The following TMEM132D variants were observed in gnomAD, a reference collection of about 807,000 sequenced individuals.
TMEM132D encodes transmembrane protein 132D.
Under a neutral mutation model 62.3 loss-of-function variants are expected in TMEM132D, and 21 were observed. The observed-to-expected ratio is 0.34, with a 90% CI of 0.24 to 0.49. The LOEUF (loss-of-function observed/expected upper bound fraction) is 0.49. Ranked by LOEUF, TMEM132D falls within the 20% of genes least tolerant of loss-of-function variation. The pLI, the probability that TMEM132D is intolerant of heterozygous loss-of-function variation, is 0.99. For missense variants in TMEM132D, 1,346 were observed against 1,402.8 expected (o/e 0.96, Z 0.65); for synonymous variants, 621 against 575.6 (o/e 1.08, Z -1.13).
chr12:129,090,510 T>TA (rs1421583866), intron 5 of TMEM132D, among the ~76,000 whole-genome samples: 2 of 151,434 alleles, frequency 1.3e-5, no homozygotes, highest in African/African-American at 2.4e-5. Context: ...ACTAAAAATA[T>TA]AAAAAAAATT....
chr12:129,180,210 G>GGGAGGAGGA lies in TMEM132D; in HGVS notation c.1443+29301_1443+29309dup, dbSNP rs61354153. Among the ~76,000 whole-genome samples the GGGAGGAGGA allele has an allele frequency of 3.4e-3, 513 of 149,906 alleles. 2 individuals carry two copies. The highest frequency in any genetic ancestry group is 0.011 in the African/African-American group (468 of 40,776). ...GCATTCGTAAGCAGCACAGATAGTG[G>GGGAGGAGGA]GGAGGAGGAGGAGGAGGAGGAGGAG... On this transcript the variant is annotated intron_variant, in intron 5 of 8. Transcript: ENST00000422113.
intron 2 of TMEM132D, among the ~76,000 whole-genome samples, chr12:129,673,603 C>A (rs1307604791): frequency 1.3e-5 from 2 of 152,114 alleles, no homozygotes; most frequent in Non-Finnish European, 2.9e-5. Context: ...TCAGAGCAGT[C>A]CAGGCAAAAT....
intron 2 of TMEM132D, among the ~76,000 whole-genome samples, chr12:129,561,095 G>A (rs1208157975): frequency 2.0e-5 from 3 of 152,334 alleles, no homozygotes; most frequent in Admixed American, 6.5e-5. Context: ...AAGGTGCCAT[G>A]AGAAAGAAAA....
chr12:129,106,893 C>A (rs1875519325), intron 5 of TMEM132D, among the ~76,000 whole-genome samples: 1 of 152,156 alleles, frequency 6.6e-6, no homozygotes, highest in South Asian at 2.1e-4. Flanking sequence ...ATGGGGAATG[C>A]CTGCCTTGGA....
intron 5 of TMEM132D, among the ~76,000 whole-genome samples, chr12:129,165,008 A>G (rs1877503727): frequency 6.6e-6 from 1 of 152,250 alleles, no homozygotes; most frequent in Non-Finnish European, 1.5e-5. Flanking sequence ...AGATAATGGT[A>G]TATTCATACA....
At chr12:129,269,058 T>C (rs929137971) in intron 4 of TMEM132D, among the ~76,000 whole-genome samples, 1 of 149,200 alleles carries the variant, frequency 6.7e-6, no homozygotes, top group Non-Finnish European at 1.5e-5. Flanking sequence ...TTAGGAGATA[T>C]ACCTAATGCT....
At chr12:129,877,263 T>C (rs1874444546) in intron 1 of TMEM132D, among the ~76,000 whole-genome samples, 1 of 151,756 alleles carries the variant, frequency 6.6e-6, no homozygotes, top group Non-Finnish European at 1.5e-5. Context: ...AAGTTCACCA[T>C]GGCCGTGGTA....
At chr12:129,663,724 C>T (rs1880303733) in intron 2 of TMEM132D, among the ~76,000 whole-genome samples, 1 of 152,126 alleles carries the variant, frequency 6.6e-6, no homozygotes, top group Non-Finnish European at 1.5e-5. Context: ...AGCAGTATGC[C>T]TCCATCTGTG....
chr12:129,380,269 C>T (rs1049159164), intron 3 of TMEM132D, among the ~76,000 whole-genome samples: 1 of 151,896 alleles, frequency 6.6e-6, no homozygotes, highest in Non-Finnish European at 1.5e-5. Context: ...AGCAGGCAAA[C>T]GTCTAGAAAA....
intron 2 of TMEM132D, among the ~76,000 whole-genome samples, chr12:129,617,076 A>G (rs1490904095): frequency 6.6e-6 from 1 of 152,180 alleles, no homozygotes; most frequent in African/African-American, 2.4e-5. Context: ...AGACTCCTGT[A>G]CTGCCAGAGT....
chr12:129,811,919 T>C (rs974613205), intron 1 of TMEM132D, among the ~76,000 whole-genome samples: 22 of 151,640 alleles, frequency 1.5e-4, no homozygotes, highest in African/African-American at 5.3e-4. Context: ...AAGCCAGCTC[T>C]CCTCCAGAGC....
chr12:129,622,661 G>C (rs1879104592), intron 2 of TMEM132D, among the ~76,000 whole-genome samples: 1 of 152,176 alleles, frequency 6.6e-6, no homozygotes, highest in African/African-American at 2.4e-5. Flanking sequence ...TTCTGTTTCT[G>C]CAGTGCAGAC....
intron 3 of TMEM132D, among the ~76,000 whole-genome samples, chr12:129,394,436 CA>C (rs1174088031): frequency 7.9e-5 from 12 of 152,298 alleles, no homozygotes; most frequent in Non-Finnish European, 1.5e-4. Flanking sequence ...TCGAAAATGA[CA>C]GTAAGTGTTT....
chr12:129,741,868 G>A (rs1320108159), intron 1 of TMEM132D, among the ~76,000 whole-genome samples: 3 of 152,194 alleles, frequency 2.0e-5, no homozygotes, highest in Non-Finnish European at 4.4e-5. Flanking sequence ...ACACCAACTA[G>A]GGAGTCTTGA....
At chr12:129,901,687 T>C (rs778583720) in intron 1 of TMEM132D, among the ~76,000 whole-genome samples, 1 of 152,184 alleles carries the variant, frequency 6.6e-6, no homozygotes, top group Non-Finnish European at 1.5e-5. Flanking sequence ...ACAATTCTCT[T>C]CAACACTGCT....
At chr12:129,313,618 C>T (rs1271975225) in intron 4 of TMEM132D, among the ~76,000 whole-genome samples, 1 of 151,264 alleles carries the variant, frequency 6.6e-6, no homozygotes, top group Non-Finnish European at 1.5e-5. Context: ...GATTGATGGG[C>T]ATTTGGGATG....
At chr12:129,815,993 G>GT (rs1412612163) in intron 1 of TMEM132D, among the ~76,000 whole-genome samples, 1 of 152,188 alleles carries the variant, frequency 6.6e-6, no homozygotes, top group Non-Finnish European at 1.5e-5. Flanking sequence ...GTTGTGTTTT[G>GT]TTTTTCCTCC....
chr12:129,821,221 C>T (rs978784120), intron 1 of TMEM132D, among the ~76,000 whole-genome samples: 2 of 152,148 alleles, frequency 1.3e-5, no homozygotes, highest in African/African-American at 2.4e-5. Flanking sequence ...GATTATTTGA[C>T]ACAATGGTGT....
chr12:129,607,989 C>T (rs78957821), intron 2 of TMEM132D, among the ~76,000 whole-genome samples: 13,543 of 152,172 alleles, frequency 0.089, 671 homozygotes, highest in Non-Finnish European at 0.11. Context: ...GGGGAGGAGC[C>T]GACAGATCAG....
Sources: gnomAD v4.1 joint callset for allele counts (sites outside exome capture counted in the v4.1 genomes callset) on GRCh38, gnomAD v4.1.1 for gene constraint, MANE v1.5 for transcripts, NCBI Gene and HGNC (gene_info 2026-07-23, HGNC 2026-07-21) for gene names.